SIPA1L1: variants seen among roughly 807,000 people sequenced by gnomAD.
SIPA1L1 encodes the protein signal-induced proliferation-associated 1-like protein 1.
In SIPA1L1, 26 loss-of-function variants were observed where a neutral mutation model predicts 162.7. That is an observed-to-expected ratio of 0.16 (90% CI 0.12 to 0.22). The LOEUF (loss-of-function observed/expected upper bound fraction) is 0.22. SIPA1L1 is among the 10% of genes least tolerant of loss of function. The pLI, the probability that SIPA1L1 is intolerant of heterozygous loss-of-function variation, is 1.00. For synonymous variants in SIPA1L1, 829 were observed against 837.4 expected (o/e 0.99, Z 0.17); for missense variants, 1,874 against 2,241.0 (o/e 0.84, Z 3.31).
chr14:71,457,146 T>C (rs1267615206), intron 2 of SIPA1L1, among the ~76,000 whole-genome samples: 3 of 152,186 alleles, frequency 2.0e-5, no homozygotes, highest in Non-Finnish European at 4.4e-5. Context: ...ATCTGACTTT[T>C]ATTTCCTGCC....
chr14:71,686,153 A>G (rs2046274698), intron 13 of SIPA1L1, among the ~76,000 whole-genome samples: 1 of 152,254 alleles, frequency 6.6e-6, no homozygotes, highest in African/African-American at 2.4e-5. Flanking sequence ...AGAGAAGACG[A>G]TACGTGGAGA....
At chr14:71,652,684 C>A (rs139200406) in intron 8 of SIPA1L1, among the ~76,000 whole-genome samples, 1 of 147,922 alleles carries the variant, frequency 6.8e-6, no homozygotes, top group African/African-American at 2.5e-5. Context: ...TGGATAATTT[C>A]TATTAATATA....
chr14:71,489,870 G>A (rs1201700274), intron 2 of SIPA1L1, among the ~76,000 whole-genome samples: 1 of 152,144 alleles, frequency 6.6e-6, no homozygotes, highest in Admixed American at 6.6e-5. Context: ...AATGAGAAAG[G>A]TAAGACTAGT....
chr14:71,702,345 C>T (rs370835555), intron 14 of SIPA1L1, 36 bp from the exon 15 acceptor site: 3 of 1,612,508 alleles, frequency 1.9e-6, no homozygotes, highest in Non-Finnish European at 2.5e-6. Context: ...GGTAAGGTCC[C>T]TGATGTTGTC....
chr14:71,489,545 C>T (rs1398066554), intron 2 of SIPA1L1, among the ~76,000 whole-genome samples: 7 of 151,984 alleles, frequency 4.6e-5, no homozygotes, highest in Non-Finnish European at 8.8e-5. Flanking sequence ...TTGATATATT[C>T]TTCAGTGTGA....
At chr14:71,717,426 T>C (rs2083358003) in intron 17 of SIPA1L1, among the ~76,000 whole-genome samples, 1 of 152,254 alleles carries the variant, frequency 6.6e-6, no homozygotes, top group African/African-American at 2.4e-5. Context: ...TCACTTCTTA[T>C]ACATTGAGAA....
At chr14:71,513,816 AG>A (rs2051419019) in intron 3 of SIPA1L1, among the ~76,000 whole-genome samples, 2 of 152,194 alleles carry the variant, frequency 1.3e-5, no homozygotes, top group Non-Finnish European at 2.9e-5. Flanking sequence ...GAAATTGGCG[AG>A]TAAGCCAATT....
intron 2 of SIPA1L1, among the ~76,000 whole-genome samples, chr14:71,365,188 A>AT (rs1407297050): frequency 6.0e-5 from 9 of 151,066 alleles, no homozygotes; most frequent in African/African-American, 2.2e-4. Context: ...TGGCTAATTT[A>AT]TTTTTTTGTA....
rs551554139 is a variant in SIPA1L1 at position 71,418,969 on chromosome 14, A to C, written c.-464-93774A>C. ...TGGCTTGAAGGCCATTACTACTCACATCTGCACAAAATGGGCCAAGGTCTT... is the reference window on the plus strand; with the variant it reads ...TGGCTTGAAGGCCATTACTACTCACCTCTGCACAAAATGGGCCAAGGTCTT... On this transcript the variant is annotated intron_variant, in intron 2 of 23. Coordinates refer to ENST00000381232, the MANE Select transcript of SIPA1L1 (RefSeq NM_001386936.1). Among the ~76,000 whole-genome samples the C allele has an allele frequency of 4.2e-4, 64 of 152,364 alleles. 1 individual carries two copies. In the South Asian group the frequency reaches 9.5e-3, roughly 23 times the overall value.
At chr14:71,605,141 C>CT (rs1462016804) in intron 5 of SIPA1L1, among the ~76,000 whole-genome samples, 2 of 151,730 alleles carry the variant, frequency 1.3e-5, no homozygotes, top group African/African-American at 2.4e-5. Context: ...TACTGAGGTT[C>CT]TTTTTTTTCT....
chr14:71,322,033 G>C (rs2033086754), intron 2 of SIPA1L1, among the ~76,000 whole-genome samples: 1 of 152,234 alleles, frequency 6.6e-6, no homozygotes, highest in South Asian at 2.1e-4. Flanking sequence ...TTTAGAGGCA[G>C]CATTCGCTGA....
chr14:71,658,493 C>T (rs1328213085), intron 9 of SIPA1L1, 57 bp downstream of exon 9: 2 of 1,119,542 alleles, frequency 1.8e-6, no homozygotes, highest in Non-Finnish European at 2.7e-6. Flanking sequence ...CTCTAGAAGC[C>T]TAAGTGGCAA....
At chr14:71,541,394 C>T (rs1052693157) in intron 4 of SIPA1L1, among the ~76,000 whole-genome samples, 1 of 152,160 alleles carries the variant, frequency 6.6e-6, no homozygotes, top group Non-Finnish European at 1.5e-5. Context: ...TGCATAGTTA[C>T]TTGTTAAAAG....
At chr14:71,659,260 ATTG>A (rs997202939) in intron 9 of SIPA1L1, among the ~76,000 whole-genome samples, 2 of 152,194 alleles carry the variant, frequency 1.3e-5, no homozygotes, top group African/African-American at 2.4e-5. Flanking sequence ...GTTTTTGTCA[ATTG>A]TTGTGCTAAC....
intron 4 of SIPA1L1, among the ~76,000 whole-genome samples, chr14:71,578,211 T>C (rs565171851): frequency 6.6e-6 from 1 of 152,082 alleles, no homozygotes; most frequent in East Asian, 1.9e-4. Flanking sequence ...TCCCGGACTT[T>C]TTATTTTTTA....
intron 5 of SIPA1L1, among the ~76,000 whole-genome samples, chr14:71,592,572 C>T (rs572729878): frequency 3.4e-4 from 52 of 151,744 alleles, no homozygotes; most frequent in African/African-American, 1.1e-3. Flanking sequence ...CGCTTATCAC[C>T]GGGTAGTTTC....
chr14:71,499,996 A>T (rs1197212671), intron 2 of SIPA1L1, among the ~76,000 whole-genome samples: 3 of 152,214 alleles, frequency 2.0e-5, no homozygotes, highest in Admixed American at 1.3e-4. Context: ...TAGAAATTAA[A>T]ATCTTTGCAT....
intron 7 of SIPA1L1, among the ~76,000 whole-genome samples, chr14:71,638,274 A>G (rs2041362827): frequency 6.6e-6 from 1 of 152,206 alleles, no homozygotes; most frequent in Non-Finnish European, 1.5e-5. Flanking sequence ...CCTCATGAAT[A>G]TACATGTAAA....
chr14:71,445,929 G>A (rs1182940917), intron 2 of SIPA1L1, among the ~76,000 whole-genome samples: 1 of 152,066 alleles, frequency 6.6e-6, no homozygotes, highest in East Asian at 1.9e-4. Context: ...GCTCACTGTA[G>A]CCATGACCTC....
Sources: gnomAD v4.1 joint callset for allele counts (sites outside exome capture counted in the v4.1 genomes callset) on GRCh38, gnomAD v4.1.1 for gene constraint, MANE v1.5 for transcripts, NCBI Gene and HGNC (gene_info 2026-07-23, HGNC 2026-07-21) for gene names.